The following DDTL variants were observed in gnomAD, a reference collection of about 807,000 sequenced individuals.
DDTL encodes D-dopachrome tautomerase like, also known as putative D-dopachrome decarboxylase-like protein.
DDTL carries 1 observed loss-of-function variant against 1.1 expected under a neutral mutation model. The ratio of observed to expected loss-of-function variants is 0.91; its 90% CI spans 0.32 to 4.31. The LOEUF (loss-of-function observed/expected upper bound fraction) is 4.31. DDTL is among the 30% of genes most tolerant of loss of function. The pLI is 0.17. For synonymous variants in DDTL, 21 were observed against 16.6 expected (o/e 1.26, Z -0.64); for missense variants, 54 against 48.9 (o/e 1.10, Z -0.31).
chr22:23,971,138 G>A, intron 2 of DDTL, 148 bp from the exon 3 acceptor site: 2 of 1,189,896 alleles, frequency 1.7e-6, no homozygotes, highest in Non-Finnish European at 2.3e-6. Flanking sequence ...CTGAGGACAG[G>A]AGCCTCAGGT....
Position 23,971,853 on chromosome 22 carries a change from A to C in DDTL, c.*447A>C. 1.8e-6 allele frequency: 1 copy of C among 551,196 alleles called. No homozygotes were observed. The highest frequency in any genetic ancestry group is 2.3e-5 in the South Asian group (1 of 43,572). 34.1% of individuals were successfully genotyped at this position (551,196 alleles called of 1,614,324 possible). A position where few individuals can be genotyped will look rare whatever the true frequency, so the allele number is the denominator to read the frequency against. On this transcript the variant is annotated 3_prime_UTR_variant, in exon 3 of 3. Coordinates refer to ENST00000215770, the MANE Select transcript of DDTL (RefSeq NM_001084393.2). ...ATCATGACCCAGCTAGGACAGACAC[A>C]CAATACAGTAGCCTCGGTGTGTGTG...
At chr22:23,969,600 C>A in intron 2 of DDTL, 1 of 985,486 alleles carries the variant, frequency 1.0e-6, no homozygotes, top group African/African-American at 1.7e-5. Flanking sequence ...GTGGGAGGAT[C>A]ACTTAAGCCC....
chr22:23,971,164 A>G (rs2033893211), intron 2 of DDTL, 122 bp from the exon 3 acceptor site: 3 of 1,434,612 alleles, frequency 2.1e-6, no homozygotes, highest in Middle Eastern at 2.6e-4. Flanking sequence ...GTCTGCAGGA[A>G]GGCCCCAGCT....
intron 2 of DDTL, among the ~76,000 whole-genome samples, chr22:23,970,531 G>A (rs941616814): frequency 2.0e-5 from 3 of 151,960 alleles, no homozygotes; most frequent in Non-Finnish European, 2.9e-5. Flanking sequence ...GTGTGTGTAC[G>A]TGTGTGGGGA....
chr22:23,971,070 C>G (rs1306970235), intron 2 of DDTL, among the ~76,000 whole-genome samples: 1 of 152,206 alleles, frequency 6.6e-6, no homozygotes, highest in Admixed American at 6.5e-5. Flanking sequence ...GGCTGCCCAG[C>G]CAGTCATGGA....
Position 23,971,555 on chromosome 22 carries a change from A to C in DDTL, c.*149A>C. On this transcript the variant is annotated 3_prime_UTR_variant, in exon 3 of 3. Coordinates refer to ENST00000215770, the MANE Select transcript of DDTL (RefSeq NM_001084393.2). ...CCTGGATCCCTCCGTGCCCAATCAT[A>C]AAAAAGTCATGACCGTCCCTATCTT... is the stretch of plus-strand genomic sequence containing the variant. 6.2e-7 allele frequency: 1 copy of C among 1,614,068 alleles called. No individual in the cohort carries two copies. Among genetic ancestry groups the C allele is most frequent in the Non-Finnish European group, 8.5e-7 (1 of 1,179,956 alleles).
intron 2 of DDTL, chr22:23,969,740 G>A (rs2033865065): frequency 1.4e-5 from 14 of 983,826 alleles, no homozygotes; most frequent in Non-Finnish European, 1.7e-5. Flanking sequence ...GTTTGTTTAG[G>A]CCCAGGAGGT....
chr22:23,969,969 C>A, intron 2 of DDTL: 1 of 541,052 alleles, frequency 1.8e-6, no homozygotes, highest in Non-Finnish European at 2.4e-6. Flanking sequence ...CATTGTTAAG[C>A]AGGGCCAGCA....
chr22:23,970,755 G>C (rs2033886860), intron 2 of DDTL, among the ~76,000 whole-genome samples: 1 of 152,122 alleles, frequency 6.6e-6, no homozygotes, highest in Non-Finnish European at 1.5e-5. Context: ...TGGCACAGTT[G>C]CAACAGGAGA....
At position 23,972,111 on chromosome 22, in the gene DDTL, T is replaced by A. The variant is rs1008893621; in HGVS notation, c.*705T>A. 1.1e-6 allele frequency: 1 copy of A among 951,966 alleles called. No individual in the cohort carries two copies. Among genetic ancestry groups the A allele is most frequent in the Non-Finnish European group, 1.3e-6 (1 of 799,642 alleles). 59.0% of individuals were successfully genotyped at this position (951,966 alleles called of 1,614,324 possible). ...AAAACCAGAACTTGGGACAGCCTGG[T>A]TGGGGCGGGCGGGAGTATGAACAGC... On this transcript the variant is annotated 3_prime_UTR_variant, in exon 3 of 3. Transcript: ENST00000215770.
intron 2 of DDTL, among the ~76,000 whole-genome samples, chr22:23,970,850 AGTG>A (rs1363295371): frequency 1.3e-5 from 2 of 152,094 alleles, no homozygotes; most frequent in Non-Finnish European, 2.9e-5. Flanking sequence ...GGTTATGAAA[AGTG>A]GTGCTACTGC....
intron 2 of DDTL, among the ~76,000 whole-genome samples, chr22:23,970,489 TATGAATGTCA>T (rs1006036899): frequency 1.7e-3 from 260 of 151,946 alleles, no homozygotes; most frequent in African/African-American, 5.9e-3. Context: ...GTGTGATGAC[TATGAATGTCA>T]GTGAATGCTG....
rs978562072 is a variant in DDTL, at chr22:23,969,594, G to A, written c.285-1692G>A. 6.1e-6 allele frequency: 6 copies of A among 985,494 alleles called. No homozygotes were observed. The African/African-American group carries it at 1.0e-4, about 17-fold the overall frequency. The allele number at this position is 985,494 out of a possible 1,614,324, so 61.0% of individuals were successfully genotyped here. On this transcript the variant is annotated intron_variant, in intron 2 of 2. Coordinates refer to ENST00000215770, the MANE Select transcript of DDTL (RefSeq NM_001084393.2). The stretch of plus-strand genomic sequence containing the variant: ...ACTTTTGCAAAATGGGCTGAGGTGG[G>A]AGGATCACTTAAGCCCAGGAATTCA...
At chr22:23,969,703 A>G (rs12166922) in intron 2 of DDTL, 71,259 of 931,418 alleles carry the variant, frequency 0.077, 3,551 homozygotes, top group African/African-American at 0.3. Context: ...CCTGTGATCC[A>G]AACTACATGG....
rs1449066705 is a variant in DDTL, at chr22:23,971,361, G to A, written c.360G>A (p.Lys120=). The A allele has an allele frequency of 6.2e-7, 1 of 1,614,066 alleles. No homozygotes were observed. Among genetic ancestry groups the A allele is most frequent in the African/African-American group, 1.3e-5 (1 of 74,936 alleles). ...PRCPGEIIEG[K]KSCLNEEALF... The stretch of plus-strand genomic sequence containing the variant: ...GCCCAGGAGAGATAATAGAAGGTAA[G>A]AAGTCATGTTTGAATGAGGAAGCTC... The change falls in exon 3 of 3, where the codon AAG becomes AAA. Residue 120 remains lysine, a synonymous_variant. Coordinates refer to ENST00000215770, the MANE Select transcript of DDTL (RefSeq NM_001084393.2).
In DDTL at chr22:23,971,885, A is replaced by G. The variant is rs998876221; in HGVS notation, c.*479A>G. ...AGTAGCCTCGGTGTGTGTGCCGTAC[A>G]CTCTATCATCTCCATCAGTTTGTGT... is the stretch of plus-strand genomic sequence containing the variant. On this transcript the variant is annotated 3_prime_UTR_variant, in exon 3 of 3. Coordinates refer to ENST00000215770, the MANE Select transcript of DDTL (RefSeq NM_001084393.2). 8 of 448,050 alleles carry G rather than the reference A, an allele frequency of 1.8e-5. 1 individual carries two copies. The South Asian group carries it at 2.4e-4, about 13-fold the overall frequency. The allele number at this position is 448,050 out of a possible 1,614,324, so 27.8% of individuals were successfully genotyped here. A position where few individuals can be genotyped will look rare whatever the true frequency, so the allele number is the denominator to read the frequency against.
At chr22:23,969,241 G>A (rs1353584016) in intron 2 of DDTL, 14 of 985,336 alleles carry the variant, frequency 1.4e-5, no homozygotes, top group Admixed American at 6.2e-5. Context: ...AAGCTGTGGC[G>A]CTCCTCACTG....
In DDTL at chr22:23,969,438, A is replaced by G. The variant is rs549017980; in HGVS notation, c.285-1848A>G. 10 of 986,476 alleles carry G rather than the reference A, an allele frequency of 1.0e-5. No individual in the cohort carries two copies. In the African/African-American group the frequency reaches 1.2e-4, roughly 12 times the overall value. The allele number at this position is 986,476 out of a possible 1,614,324, so 61.1% of individuals were successfully genotyped here. A position where few individuals can be genotyped will look rare whatever the true frequency, so the allele number is the denominator to read the frequency against. ...GACTGACAGAGATGATGGAGTGTGC[A>G]GCACACACGATGAGGCTACTGTGTT... On this transcript the variant is annotated intron_variant, in intron 2 of 2. Coordinates refer to ENST00000215770, the MANE Select transcript of DDTL (RefSeq NM_001084393.2).
Position 23,971,600 on chromosome 22 carries a change from A to C in DDTL, c.*194A>C, listed in dbSNP as rs865945530. On this transcript the variant is annotated 3_prime_UTR_variant, in exon 3 of 3. Coordinates refer to ENST00000215770, the MANE Select transcript of DDTL (RefSeq NM_001084393.2). ...TATCTTGCCAATCTGCCAGGACTCC[A>C]AGGGGAAAAAGCGGATAAGTATCCT... The C allele has an allele frequency of 1.9e-6, 3 of 1,614,068 alleles. No homozygotes were observed. The highest frequency in any genetic ancestry group is 2.5e-6 in the Non-Finnish European group (3 of 1,180,016).
Sources: allele counts gnomAD v4.1 joint callset (sites outside exome capture counted in the v4.1 genomes callset), GRCh38; gene constraint gnomAD v4.1.1; transcripts MANE v1.5; gene names NCBI Gene and HGNC (gene_info 2026-07-23, HGNC 2026-07-21).